Variants in TCF7 observed in about 807,000 individuals in gnomAD.
TCF7 encodes the protein T-cell-factor-7.
TCF7 carries 19 observed loss-of-function variants against 46.8 expected under a neutral mutation model. The ratio of observed to expected loss-of-function variants is 0.41; its 90% CI spans 0.28 to 0.60. TCF7 has a LOEUF of 0.60. Among genes scored for constraint, TCF7 ranks in the 20% least tolerant of loss-of-function variants. The pLI is 0.35. For synonymous variants in TCF7, 245 were observed against 213.4 expected, an observed-to-expected ratio of 1.15 and a Z score of -1.29; for missense variants, 547 against 504.6, an observed-to-expected ratio of 1.08 and a Z score of -0.81.
intron 3 of TCF7, among the ~76,000 whole-genome samples, chr5:134,116,663 A>G (rs1428156849): frequency 6.6e-6 from 1 of 152,224 alleles, no homozygotes; most frequent in Non-Finnish European, 1.5e-5. Flanking sequence ...TTGAGAAGGG[A>G]CCAGTTTAAT....
At chr5:134,115,440 G>C in intron 2 of TCF7, 53 bp downstream of exon 2, 2 of 1,550,126 alleles carry the variant, frequency 1.3e-6, no homozygotes, top group Non-Finnish European at 1.7e-6. Flanking sequence ...CCCTGGCCTC[G>C]GTGGGACGGG....
At chr5:134,128,134 G>A (rs1757596494) in intron 3 of TCF7, among the ~76,000 whole-genome samples, 1 of 152,202 alleles carries the variant, frequency 6.6e-6, no homozygotes, top group African/African-American at 2.4e-5. Flanking sequence ...CCGCGCACGT[G>A]TGTTGCAGCC....
At position 134,141,645 on chromosome 5, in the gene TCF7, G is replaced by A. The variant is rs187500412; in HGVS notation, c.636-540G>A. The A allele has an allele frequency of 8.7e-4, 133 of 152,778 alleles. 4 individuals carry two copies. The highest frequency in any genetic ancestry group is 9.1e-4 in the Admixed American group (14 of 15,330). The allele number at this position is 152,778 out of a possible 1,614,324, so 9.5% of individuals were successfully genotyped here. A position where few individuals can be genotyped will look rare whatever the true frequency, so the allele number is the denominator to read the frequency against. On this transcript the variant is annotated intron_variant, in intron 5 of 9. Coordinates refer to ENST00000342854, the MANE Select transcript of TCF7 (RefSeq NM_003202.5). Reference sequence around the variant, plus strand: ...GCCATAACTGGGGCTGCCGGGGAACGGAGAGGGACAGGAAGCAGAGGAGAA... The same window carrying A: ...GCCATAACTGGGGCTGCCGGGGAACAGAGAGGGACAGGAAGCAGAGGAGAA...
chr5:134,138,104 T>C lies in TCF7; in HGVS notation c.487T>C (p.Tyr163His), dbSNP rs1380138185. The change falls in exon 4 of 10, where the codon TAC becomes CAC. Residue 163 changes from tyrosine (Y) to histidine (H), a missense_variant. By Grantham distance (83) the Tyr-to-His change is moderately conservative (BLOSUM62 2). Around this residue, in one of 3 missense-constraint regions of TCF7, gnomAD observed 425 missense variants for 349.9 expected, o/e 1.21. Transcript: ENST00000342854. ...PPHGVPQLSL[Y>H]EHFNSPHPTP... ...CCACGGTGTCCCCCAACTCTCTCTC[T>C]ACGAACATTTCAACAGCCCACATCC... 2 of 1,612,582 alleles carry C rather than the reference T, an allele frequency of 1.2e-6. No homozygotes were observed. The highest frequency in any genetic ancestry group is 1.1e-5 in the South Asian group (1 of 90,884).
intron 3 of TCF7, among the ~76,000 whole-genome samples, chr5:134,129,686 C>T (rs1757839341): frequency 1.3e-5 from 2 of 152,256 alleles, no homozygotes; most frequent in African/African-American, 2.4e-5. Context: ...CCACGCCACT[C>T]GGCTAAGTGG....
At position 134,143,605 on chromosome 5, in the gene TCF7, G is replaced by A; in HGVS notation, c.1040G>A (p.Arg347Lys). 2 of 1,614,126 alleles carry A rather than the reference G, an allele frequency of 1.2e-6. No homozygotes were observed. Among genetic ancestry groups the A allele is most frequent in the South Asian group, 2.2e-5 (2 of 91,088 alleles). The part of the protein sequence containing the change: ...SARDNYGKKK[R>K]RSREKHQEST... The stretch of plus-strand genomic sequence containing the variant: ...TGTTCCCTGCAGGGGAAGAAGAAGA[G>A]GCGGTCGAGGGAAAAGCACCAAGAA... Residue 347 changes from arginine to lysine, a missense_variant, in exon 9 of 10, where the codon AGG becomes AAG. By Grantham distance (26) the Arg-to-Lys change is conservative. Around this residue, in one of 3 missense-constraint regions of TCF7, gnomAD observed 90 missense variants for 88.8 expected, o/e 1.01. Coordinates refer to ENST00000342854, the MANE Select transcript of TCF7 (RefSeq NM_003202.5).
At chr5:134,120,479 C>A (rs1193180759) in intron 3 of TCF7, among the ~76,000 whole-genome samples, 1 of 152,218 alleles carries the variant, frequency 6.6e-6, no homozygotes, top group African/African-American at 2.4e-5. Flanking sequence ...CGCCCCTCAT[C>A]ACCTGCACCA....
intron 3 of TCF7, among the ~76,000 whole-genome samples, chr5:134,121,423 A>T (rs1756560297): frequency 1.3e-5 from 2 of 151,976 alleles, no homozygotes; most frequent in Non-Finnish European, 2.9e-5. Context: ...GTCTCTACTA[A>T]AAATACAAAA....
upstream of TCF7, among the ~76,000 whole-genome samples, chr5:134,113,358 G>A (rs1411457345): frequency 6.6e-6 from 1 of 152,206 alleles, no homozygotes; most frequent in Non-Finnish European, 1.5e-5. Context: ...CCGGCTGGGC[G>A]GGCACAGATA....
At chr5:134,138,034 A>C in intron 3 of TCF7, 25 bp from the exon 4 acceptor site, 11 of 1,486,620 alleles carry the variant, frequency 7.4e-6, no homozygotes, top group African/African-American at 1.4e-5. Flanking sequence ...CGCCACACTC[A>C]CCCACCCTCC....
rs929630802 is a variant in TCF7, at chr5:134,132,510, C to G, written c.442-5549C>G. Reference sequence around the variant, plus strand: ...CTGAACAGGCCTCACCTATCCCCTACCCCCCACAGGCTTGAGGCCAGAGGA... The same window carrying G: ...CTGAACAGGCCTCACCTATCCCCTAGCCCCCACAGGCTTGAGGCCAGAGGA... On this transcript the variant is annotated intron_variant, in intron 3 of 9. Transcript: ENST00000342854. Among the ~76,000 whole-genome samples the G allele has an allele frequency of 2.0e-5, 3 of 152,188 alleles. No individual in the cohort carries two copies. In the East Asian group the frequency reaches 5.8e-4, roughly 29 times the overall value.
At chr5:134,123,650 G>A (rs936164768) in intron 3 of TCF7, 77 of 455,352 alleles carry the variant, frequency 1.7e-4, no homozygotes, top group East Asian at 2.8e-4. Context: ...AAGGATGTGC[G>A]GTGAGACTGG....
chr5:134,122,648 C>T (rs1756762615), intron 3 of TCF7, among the ~76,000 whole-genome samples: 2 of 152,222 alleles, frequency 1.3e-5, no homozygotes, highest in Admixed American at 1.3e-4. Flanking sequence ...GGCCCAGAGC[C>T]TCCTGGAGGT....
chr5:134,139,573 C>T (rs74639252), intron 5 of TCF7: 1 of 153,898 alleles, frequency 6.5e-6, no homozygotes, highest in Non-Finnish European at 1.4e-5. Context: ...CTTGGAGATT[C>T]TTAAGGCTGG....
chr5:134,127,980 A>T (rs912789696), intron 3 of TCF7, among the ~76,000 whole-genome samples: 1 of 152,144 alleles, frequency 6.6e-6, no homozygotes, highest in Non-Finnish European at 1.5e-5. Context: ...CCTCACAGCA[A>T]CCCCATGAGA....
rs1760739843 is a variant in TCF7, at chr5:134,146,571, C to G, written c.*268C>G. On this transcript the variant is annotated 3_prime_UTR_variant, in exon 10 of 10. Coordinates refer to ENST00000342854, the MANE Select transcript of TCF7 (RefSeq NM_003202.5). ...CCAGGAGCCTACCCCCTGAAAGTGACAGAGACCCAGATCTCATGGAAACTG... is the reference window on the plus strand; with the variant it reads ...CCAGGAGCCTACCCCCTGAAAGTGAGAGAGACCCAGATCTCATGGAAACTG... 1 of 706,510 alleles carries G rather than the reference C, an allele frequency of 1.4e-6. No individual in the cohort carries two copies. The highest frequency in any genetic ancestry group is 2.6e-6 in the Non-Finnish European group (1 of 382,332). 43.8% of individuals were successfully genotyped at this position (706,510 alleles called of 1,614,324 possible).
Position 134,146,458 on chromosome 5 carries a change from C to T in TCF7, c.*155C>T, listed in dbSNP as rs777189186. 1.2e-6 allele frequency: 1 copy of T among 856,180 alleles called. No individual in the cohort carries two copies. Among genetic ancestry groups the T allele is most frequent in the Non-Finnish European group, 2.0e-6 (1 of 503,758 alleles). 53.0% of individuals were successfully genotyped at this position (856,180 alleles called of 1,614,324 possible). A position where few individuals can be genotyped will look rare whatever the true frequency, so the allele number is the denominator to read the frequency against. On this transcript the variant is annotated 3_prime_UTR_variant, in exon 10 of 10. Transcript: ENST00000342854. ...TCCCAACCCCAGGGCCCCCACAGGC[C>T]CCCCGCAGCACCCTGCAGAGCACAC... is the stretch of plus-strand genomic sequence containing the variant.
chr5:134,115,667 T>G (rs1755708999), intron 2 of TCF7: 1 of 1,426,940 alleles, frequency 7.0e-7, no homozygotes, highest in African/African-American at 1.4e-5. Context: ...GAGACAGAAT[T>G]GGCCAAGGTT....
intron 3 of TCF7, among the ~76,000 whole-genome samples, chr5:134,125,256 C>G (rs1757187059): frequency 6.6e-6 from 1 of 152,238 alleles, no homozygotes; most frequent in South Asian, 2.1e-4. Context: ...GGGCCGCCAT[C>G]TGAAACGCAT....
Sources: gnomAD v4.1 joint callset for allele counts (sites outside exome capture counted in the v4.1 genomes callset) on GRCh38, gnomAD v4.1.1 for gene constraint, gnomAD v4.1.1 regional missense constraint, MANE v1.5 for transcripts, NCBI Gene and HGNC (gene_info 2026-07-23, HGNC 2026-07-21) for gene names.